Variants in ARHGAP15 observed in about 807,000 individuals in gnomAD.
ARHGAP15 encodes the protein rho GTPase-activating protein 15.
ARHGAP15 carries 51 observed loss-of-function variants against 63.7 expected under a neutral mutation model. That is an observed-to-expected ratio of 0.80 (90% CI 0.64 to 1.01). ARHGAP15 has a LOEUF of 1.01. Among genes scored for constraint, ARHGAP15 ranks in the 50% least tolerant of loss-of-function variants. The pLI is 0.00. For missense variants in ARHGAP15, 560 were observed against 564.6 expected (o/e 0.99, Z 0.08); for synonymous variants, 191 against 193.8 (o/e 0.99, Z 0.12).
intron 13 of ARHGAP15, among the ~76,000 whole-genome samples, chr2:143,713,533 A>T (rs1225040110): frequency 6.6e-6 from 1 of 152,158 alleles, no homozygotes; most frequent in Non-Finnish European, 1.5e-5. Context: ...ACAGTCCCCC[A>T]AAGTCTTAAC....
At chr2:143,507,437 T>C (rs953439371) in intron 9 of ARHGAP15, among the ~76,000 whole-genome samples, 8 of 152,190 alleles carry the variant, frequency 5.3e-5, no homozygotes, top group African/African-American at 1.9e-4. Context: ...CTCATGTCAG[T>C]GAGTGCCCCT....
intron 5 of ARHGAP15, among the ~76,000 whole-genome samples, chr2:143,229,052 C>A (rs918986561): frequency 6.6e-6 from 1 of 151,862 alleles, no homozygotes; most frequent in African/African-American, 2.4e-5. Flanking sequence ...AAATGCTTAA[C>A]GGATGATACT....
intron 5 of ARHGAP15, chr2:143,236,612 T>C (rs1693661444): frequency 6.6e-6 from 1 of 151,860 alleles, no homozygotes; most frequent in Non-Finnish European, 1.5e-5. Flanking sequence ...AAGAGAAGAG[T>C]GTGATTGCTT....
At chr2:143,721,932 C>A (rs977527675) in intron 13 of ARHGAP15, among the ~76,000 whole-genome samples, 1 of 152,072 alleles carries the variant, frequency 6.6e-6, no homozygotes. Flanking sequence ...GGCAATCCAC[C>A]GGCCTCGGCC....
intron 6 of ARHGAP15, among the ~76,000 whole-genome samples, chr2:143,336,573 A>T (rs1478403302): frequency 3.6e-5 from 2 of 55,968 alleles, no homozygotes; most frequent in Non-Finnish European, 1.3e-4. Flanking sequence ...TCTGCAGTTT[A>T]AAAAAAAGTG....
intron 10 of ARHGAP15, among the ~76,000 whole-genome samples, chr2:143,536,044 T>C (rs779455735): frequency 3.3e-5 from 5 of 152,244 alleles, no homozygotes; most frequent in East Asian, 3.8e-4. Flanking sequence ...ATAGTTATCA[T>C]AGATGAGAGC....
At chr2:143,237,559 T>G (rs1693703642) in intron 5 of ARHGAP15, 1 of 152,200 alleles carries the variant, frequency 6.6e-6, no homozygotes, top group South Asian at 2.1e-4. Context: ...GTTGCAAACC[T>G]ACTGGTGCTT....
chr2:143,323,217 G>T (rs1684102685), intron 6 of ARHGAP15, among the ~76,000 whole-genome samples: 1 of 152,214 alleles, frequency 6.6e-6, no homozygotes. Context: ...TGTTACATGG[G>T]TATATTATGT....
intron 11 of ARHGAP15, among the ~76,000 whole-genome samples, chr2:143,582,303 G>C (rs1485089666): frequency 6.6e-6 from 1 of 152,200 alleles, no homozygotes; most frequent in East Asian, 1.9e-4. Flanking sequence ...CTGTCGGTTA[G>C]TGGATGTGAT....
chr2:143,147,357 G>A (rs181257356), intron 1 of ARHGAP15, among the ~76,000 whole-genome samples: 94 of 152,100 alleles, frequency 6.2e-4, no homozygotes, highest in African/African-American at 2.2e-3. Context: ...ATAGTTGTAC[G>A]CAAGAGGCGG....
At chr2:143,354,516 A>G (rs1685722454) in intron 6 of ARHGAP15, among the ~76,000 whole-genome samples, 1 of 152,132 alleles carries the variant, frequency 6.6e-6, no homozygotes, top group Non-Finnish European at 1.5e-5. Flanking sequence ...GCTTGAAATT[A>G]AAGTGGAAGG....
chr2:143,647,636 C>A (rs1352150778), intron 12 of ARHGAP15, among the ~76,000 whole-genome samples: 14 of 152,004 alleles, frequency 9.2e-5, no homozygotes, highest in Non-Finnish European at 2.1e-4. Flanking sequence ...AGAGGACAAG[C>A]CAAAAAGATC....
intron 11 of ARHGAP15, chr2:143,597,885 T>C (rs537034530): frequency 1.3e-5 from 2 of 152,274 alleles, no homozygotes; most frequent in East Asian, 1.9e-4. Flanking sequence ...ATCTGGGAAG[T>C]CCAAGATCAA....
chr2:143,331,125 C>T (rs1342813209), intron 6 of ARHGAP15, among the ~76,000 whole-genome samples: 2 of 152,144 alleles, frequency 1.3e-5, no homozygotes, highest in African/African-American at 2.4e-5. Context: ...CAACTATGAG[C>T]CCACACATAA....
chr2:143,603,956 G>A (rs918398231), intron 11 of ARHGAP15, among the ~76,000 whole-genome samples: 1 of 152,122 alleles, frequency 6.6e-6, no homozygotes, highest in Non-Finnish European at 1.5e-5. Context: ...ATCTACTTTA[G>A]CCATAAATAT....
At chr2:143,546,449 T>C (rs1695332827) in intron 10 of ARHGAP15, among the ~76,000 whole-genome samples, 3 of 152,004 alleles carry the variant, frequency 2.0e-5, no homozygotes, top group Admixed American at 1.3e-4. Context: ...AGTCTCTTGC[T>C]AAAATTAAAA....
At chr2:143,456,548 T>A (rs1163589706) in intron 8 of ARHGAP15, among the ~76,000 whole-genome samples, 1 of 152,050 alleles carries the variant, frequency 6.6e-6, no homozygotes, top group Non-Finnish European at 1.5e-5. Context: ...TCAGTATGAA[T>A]TAAAAAAATA....
chr2:143,157,985 AT>A (rs1690148630), intron 2 of ARHGAP15, among the ~76,000 whole-genome samples: 1 of 151,884 alleles, frequency 6.6e-6, no homozygotes, highest in Non-Finnish European at 1.5e-5. Flanking sequence ...ACAGAAAAAA[AT>A]CAAAAGTATT....
intron 6 of ARHGAP15, among the ~76,000 whole-genome samples, chr2:143,400,985 A>G (rs1372578641): frequency 6.6e-6 from 1 of 152,042 alleles, no homozygotes; most frequent in Non-Finnish European, 1.5e-5. Context: ...TGATGTTATA[A>G]ATATCAAGAT....
Sources: allele counts gnomAD v4.1 joint callset (sites outside exome capture counted in the v4.1 genomes callset), GRCh38; gene constraint gnomAD v4.1.1; transcripts MANE v1.5; gene names NCBI Gene and HGNC (gene_info 2026-07-23, HGNC 2026-07-21).